SYCE2: variants seen among roughly 807,000 people sequenced by gnomAD.
SYCE2 encodes the protein synaptonemal complex central element protein 2.
SYCE2 carries 3 observed loss-of-function variants against 27.9 expected under a neutral mutation model. That is an observed-to-expected ratio of 0.11 (90% CI 0.05 to 0.28). SYCE2 has a LOEUF of 0.28. Ranked by LOEUF, SYCE2 falls within the 10% of genes least tolerant of loss-of-function variation. SYCE2 has a pLI of 1.00. For missense variants in SYCE2, 207 were observed against 263.5 expected (o/e 0.79, Z 1.48); for synonymous variants, 85 against 100.7 (o/e 0.84, Z 0.93).
chr19:12,899,259 C>T lies in SYCE2; in HGVS notation c.*82G>A. 1 of 1,292,008 alleles carries T rather than the reference C, an allele frequency of 7.7e-7. No homozygotes were observed. Among genetic ancestry groups the T allele is most frequent in the Non-Finnish European group, 1.1e-6 (1 of 890,168 alleles). The allele number at this position is 1,292,008 out of a possible 1,614,324, so 80.0% of individuals were successfully genotyped here. On this transcript the variant is annotated 3_prime_UTR_variant, in exon 6 of 6. Transcript: ENST00000293695. Reference sequence around the variant, plus strand: ...AGATGCATTATAGAACCATGAAAAACAATTTCTCAGTGTGGCCCAAATGGT... The same window carrying T: ...AGATGCATTATAGAACCATGAAAAATAATTTCTCAGTGTGGCCCAAATGGT...
intron 2 of SYCE2, among the ~76,000 whole-genome samples, chr19:12,916,165 G>C (rs1971134177): frequency 6.6e-6 from 1 of 151,734 alleles, no homozygotes; most frequent in Non-Finnish European, 1.5e-5. Flanking sequence ...TGCCTCCCAG[G>C]TTCAAGCAAT....
intron 2 of SYCE2, among the ~76,000 whole-genome samples, chr19:12,912,704 G>T (rs1971069077): frequency 6.6e-6 from 1 of 151,856 alleles, no homozygotes; most frequent in Admixed American, 6.6e-5. Context: ...AGCTGCTAAT[G>T]GTTCAGAGCT....
At position 12,903,644 on chromosome 19, in the gene SYCE2, C is replaced by G. The variant is rs141305540; in HGVS notation, c.306+848G>C. Among the ~76,000 whole-genome samples the G allele has an allele frequency of 5.7e-3, 866 of 152,282 alleles. 72 individuals are homozygous for G. The East Asian group carries it at 0.15, about 26-fold the overall frequency. ...TTGTGATCCCCCTGCCTCAGCCTCC[C>G]AAAGTGCTGGGATTATAGGCGTGAG... On this transcript the variant is annotated intron_variant, in intron 3 of 5. Coordinates refer to ENST00000293695, the MANE Select transcript of SYCE2 (RefSeq NM_001105578.2).
chr19:12,901,249 A>G (rs1384308972), intron 3 of SYCE2, among the ~76,000 whole-genome samples: 4 of 151,106 alleles, frequency 2.6e-5, no homozygotes, highest in Admixed American at 2.6e-4. Context: ...GGTGGTGTGC[A>G]CCTGTAATCC....
chr19:12,899,476 G>A, intron 5 of SYCE2, 91 bp from the exon 6 acceptor site: 1 of 1,614,190 alleles, frequency 6.2e-7, no homozygotes, highest in Non-Finnish European at 8.5e-7. Context: ...AGGTACACAT[G>A]ACATTCACGC....
At chr19:12,904,719 C>T (rs893612770) in intron 2 of SYCE2, 53 bp from the exon 3 acceptor site, 6 of 1,598,056 alleles carry the variant, frequency 3.8e-6, no homozygotes, top group African/African-American at 1.3e-5. Flanking sequence ...GTACAGGAAG[C>T]GGCCAGGTGT....
chr19:12,902,962 T>G (rs1970867855), intron 3 of SYCE2, among the ~76,000 whole-genome samples: 1 of 151,292 alleles, frequency 6.6e-6, no homozygotes, highest in Non-Finnish European at 1.5e-5. Context: ...GCTAATTTTT[T>G]TTTTTTTTTC....
At chr19:12,901,268 C>T (rs1336262383) in intron 3 of SYCE2, among the ~76,000 whole-genome samples, 2 of 151,494 alleles carry the variant, frequency 1.3e-5, no homozygotes, top group Admixed American at 6.6e-5. Context: ...CCCAGCTACT[C>T]GGGAGGCTGA....
In SYCE2 at chr19:12,898,985, C is replaced by G. The variant is rs961233899; in HGVS notation, c.*356G>C. 55 of 323,464 alleles carry G rather than the reference C, an allele frequency of 1.7e-4. No homozygotes were observed. In the Admixed American group the frequency reaches 2.1e-3, roughly 12 times the overall value. 20.0% of individuals were successfully genotyped at this position (323,464 alleles called of 1,614,324 possible). Reference sequence around the variant, plus strand: ...AGTGACTGCTCTTCCGATGTGCTGTCCCTCCTATCCCTCCCGAGGGTAAGA... The same window carrying G: ...AGTGACTGCTCTTCCGATGTGCTGTGCCTCCTATCCCTCCCGAGGGTAAGA... On this transcript the variant is annotated 3_prime_UTR_variant, in exon 6 of 6. Coordinates refer to ENST00000293695, the MANE Select transcript of SYCE2 (RefSeq NM_001105578.2).
intron 2 of SYCE2, among the ~76,000 whole-genome samples, chr19:12,905,194 A>G (rs1214717332): frequency 1.3e-5 from 2 of 152,110 alleles, no homozygotes; most frequent in Non-Finnish European, 2.9e-5. Context: ...TATAGCTGAG[A>G]AAACAGACCA....
chr19:12,913,503 T>C (rs541313228), intron 2 of SYCE2, among the ~76,000 whole-genome samples: 1 of 152,282 alleles, frequency 6.6e-6, no homozygotes, highest in East Asian at 1.9e-4. Context: ...ACAGAATCTC[T>C]GGCGCTTGGG....
intron 5 of SYCE2, 119 bp downstream of exon 5, chr19:12,899,885 T>G: frequency 2.8e-5 from 28 of 1,016,756 alleles, no homozygotes; most frequent in Non-Finnish European, 3.3e-5. Context: ...CAGTGCGCCC[T>G]CCCTCCCTCC....
intron 1 of SYCE2, among the ~76,000 whole-genome samples, 183 bp downstream of exon 1, chr19:12,919,060 T>G (rs1971194132): frequency 6.6e-6 from 1 of 151,974 alleles, no homozygotes; most frequent in African/African-American, 2.4e-5. Context: ...GACCCGTCAG[T>G]GCGTCAGTCA....
At chr19:12,904,927 C>T (rs1053598729) in intron 2 of SYCE2, among the ~76,000 whole-genome samples, 1 of 151,804 alleles carries the variant, frequency 6.6e-6, no homozygotes, top group Non-Finnish European at 1.5e-5. Context: ...ATTGCTTGAA[C>T]CCAGGGGATG....
chr19:12,900,323 G>A (rs748518757), intron 4 of SYCE2, 137 bp downstream of exon 4: 7 of 1,102,038 alleles, frequency 6.4e-6, no homozygotes, highest in Non-Finnish European at 8.9e-6. Context: ...AAGATGGTGA[G>A]TGCACCAAGG....
intron 3 of SYCE2, among the ~76,000 whole-genome samples, chr19:12,904,014 G>A (rs995953402): frequency 5.9e-5 from 9 of 152,180 alleles, no homozygotes; most frequent in African/African-American, 1.7e-4. Flanking sequence ...CCACTCCCCC[G>A]TCACAGACCA....
Position 12,900,138 on chromosome 19 carries a change from A to G in SYCE2, c.496-18T>C. 4 of 1,598,130 alleles carry G rather than the reference A, an allele frequency of 2.5e-6. 1 individual carries two copies. The South Asian group carries it at 4.5e-5, about 18-fold the overall frequency. On this transcript the variant is annotated intron_variant, in intron 4 of 5. Coordinates refer to ENST00000293695, the MANE Select transcript of SYCE2 (RefSeq NM_001105578.2). ...AGGCTCTGCTGTAAAAAAGAAACCC[A>G]GGTTAGCAGTGCCGGTCTGTGCCAG...
intron 2 of SYCE2, among the ~76,000 whole-genome samples, chr19:12,911,854 G>A (rs1373633204): frequency 6.6e-6 from 1 of 151,886 alleles, no homozygotes; most frequent in African/African-American, 2.4e-5. Context: ...CTGACCTTAG[G>A]TGATCCACCT....
intron 3 of SYCE2, among the ~76,000 whole-genome samples, chr19:12,902,407 G>A (rs1273365031): frequency 1.3e-5 from 2 of 152,046 alleles, no homozygotes; most frequent in Admixed American, 6.6e-5. Flanking sequence ...AGAGGCCAAG[G>A]CAGCAGGGTG....
Sources: gnomAD v4.1 joint callset for allele counts (sites outside exome capture counted in the v4.1 genomes callset) on GRCh38, gnomAD v4.1.1 for gene constraint, MANE v1.5 for transcripts, NCBI Gene and HGNC (gene_info 2026-07-23, HGNC 2026-07-21) for gene names.